ZNF66: variants seen among roughly 807,000 people sequenced by gnomAD.
The protein encoded by ZNF66 is zinc finger protein 66, also known as putative zinc finger protein 66.
Under a neutral mutation model 35.2 loss-of-function variants are expected in ZNF66, and 32 were observed. The observed-to-expected ratio is 0.91, with a 90% CI of 0.69 to 1.22. The LOEUF is 1.22. Ranked by LOEUF, ZNF66 falls within the 50% of genes most tolerant of loss-of-function variation. The pLI is 0.00. For synonymous variants in ZNF66, 231 were observed against 181.3 expected, an observed-to-expected ratio of 1.27 and a Z score of -2.20; for missense variants, 666 against 543.1, an observed-to-expected ratio of 1.23 and a Z score of -2.25.
chr19:20,784,107 C>T (rs1388383665), intron 1 of ZNF66, among the ~76,000 whole-genome samples: 1 of 152,178 alleles, frequency 6.6e-6, no homozygotes, highest in Non-Finnish European at 1.5e-5. Flanking sequence ...ATCTACCCAT[C>T]TCAGCCTCAA....
intron 3 of ZNF66, among the ~76,000 whole-genome samples, chr19:20,795,207 C>CCA (rs533026696): frequency 6.7e-4 from 101 of 151,822 alleles, no homozygotes; most frequent in African/African-American, 2.3e-3. Flanking sequence ...AATTCTTCTG[C>CCA]CACATACTTC....
chr19:20,782,150 G>C (rs1190317267), intron 1 of ZNF66, among the ~76,000 whole-genome samples: 6 of 152,088 alleles, frequency 3.9e-5, no homozygotes, highest in Non-Finnish European at 8.8e-5. Flanking sequence ...TTGCCATGTT[G>C]CCCAGGCTGT....
At position 20,806,637 on chromosome 19, in the gene ZNF66, G is replaced by A. The variant is rs1451255248; in HGVS notation, c.1037G>A (p.Cys346Tyr). Residue 346 changes from cysteine (C) to tyrosine (Y), a missense_variant, in exon 4 of 4, where the codon TGT becomes TAT. Cys to Tyr is a radical substitution (Grantham distance 194). Transcript: ENST00000344519. Reference sequence around the variant, plus strand: ...GAGAAACCCTACAAATGTGAAGAATGTGGCAAAGGCTTTAAGTACTCCTCT... The same window carrying A: ...GAGAAACCCTACAAATGTGAAGAATATGGCAAAGGCTTTAAGTACTCCTCT... ...TGEKPYKCEE[C>Y]GKGFKYSSTL... The A allele has an allele frequency of 1.3e-6, 2 of 1,572,938 alleles. No homozygotes were observed. The highest frequency in any genetic ancestry group is 1.7e-6 in the Non-Finnish European group (2 of 1,144,102).
intron 1 of ZNF66, among the ~76,000 whole-genome samples, chr19:20,782,413 T>G (rs1265361801): frequency 1.3e-5 from 2 of 152,218 alleles, no homozygotes; most frequent in Admixed American, 6.6e-5. Context: ...CTGGGTCAAA[T>G]GATAATTCTG....
chr19:20,787,487 A>C (rs1280667200), intron 1 of ZNF66, among the ~76,000 whole-genome samples: 1 of 152,218 alleles, frequency 6.6e-6, no homozygotes, highest in Non-Finnish European at 1.5e-5. Context: ...TGGGATTTAC[A>C]AAAAAGCCTG....
intron 3 of ZNF66, among the ~76,000 whole-genome samples, chr19:20,801,785 C>T (rs1045665848): frequency 1.0e-5 from 1 of 99,298 alleles, no homozygotes; most frequent in Non-Finnish European, 2.3e-5. Flanking sequence ...GCCCTCACAC[C>T]CAGCTAGCTT....
Position 20,806,026 on chromosome 19 carries a change from C to T in ZNF66, c.426C>T (p.Ser142=). The T allele has an allele frequency of 1.2e-6, 1 of 826,572 alleles. No individual in the cohort carries two copies. The allele number at this position is 826,572 out of a possible 1,614,324, so 51.2% of individuals were successfully genotyped here. Residue 142 remains serine, a synonymous_variant, in exon 4 of 4, where the codon AGC becomes AGT. Coordinates refer to ENST00000344519, the MANE Select transcript of ZNF66 (RefSeq NM_001355197.2). ...GLNQCLTTTQ[S]KMFQCDKHGK... The stretch of plus-strand genomic sequence containing the variant: ...ACCAATGTTTGACAACTACCCAAAG[C>T]AAAATGTTTCAATGTGATAAACATG...
chr19:20,805,742 T>C, intron 3 of ZNF66, 85 bp from the exon 4 acceptor site: 1 of 448,026 alleles, frequency 2.2e-6, no homozygotes, highest in Non-Finnish European at 4.0e-6. Flanking sequence ...TTTATGTAGT[T>C]TGTATAATTT....
chr19:20,781,650 A>G (rs1020129382), intron 1 of ZNF66, among the ~76,000 whole-genome samples: 56 of 152,022 alleles, frequency 3.7e-4, no homozygotes, highest in African/African-American at 1.3e-3. Context: ...CTGGGATTAC[A>G]GGTGCATTCC....
chr19:20,788,807 C>T (rs1971310487), intron 1 of ZNF66, among the ~76,000 whole-genome samples: 1 of 151,954 alleles, frequency 6.6e-6, no homozygotes, highest in Admixed American at 6.6e-5. Flanking sequence ...AATCTCAGCA[C>T]TTTGGGGGTC....
chr19:20,787,488 A>T (rs868686809), intron 1 of ZNF66, among the ~76,000 whole-genome samples: 1 of 152,202 alleles, frequency 6.6e-6, no homozygotes, highest in African/African-American at 2.4e-5. Flanking sequence ...GGGATTTACA[A>T]AAAAGCCTGG....
chr19:20,776,592 G>T, intron 1 of ZNF66, 142 bp downstream of exon 1: 2 of 1,210,884 alleles, frequency 1.7e-6, no homozygotes, highest in Non-Finnish European at 2.4e-6. Context: ...TAAGATGGCG[G>T]CTACGCTGAC....
Position 20,776,462 on chromosome 19 carries a change from G to T in ZNF66, c.3+12G>T, listed in dbSNP as rs1971195272. ...GAAGCCTAGAAATGGTGAGAGTGCC[G>T]GTCCAGCATCCCGAGAGAGGTGAAG... On this transcript the variant is annotated intron_variant, in intron 1 of 3. Transcript: ENST00000344519. 1 of 1,552,168 alleles carries T rather than the reference G, an allele frequency of 6.4e-7. No individual in the cohort carries two copies. The highest frequency in any genetic ancestry group is 1.7e-5 in the Admixed American group (1 of 59,632).
rs1297295319 is a variant in ZNF66, at chr19:20,806,819, A to G, written c.1219A>G (p.Lys407Glu). ...YKCEECGKVF[K>E]HSSPLSKHKR... ...ATGTGAAGAATGTGGCAAAGTGTTT[A>G]AGCACTCCTCTCCCCTTTCTAAACA... Residue 407 changes from lysine to glutamate, a missense_variant, in exon 4 of 4, where the codon AAG (lysine) becomes GAG (glutamate). By Grantham distance (56) the Lys-to-Glu change is moderately conservative. Transcript: ENST00000344519. The G allele has an allele frequency of 7.7e-7, 1 of 1,303,936 alleles. No individual in the cohort carries two copies. The highest frequency in any genetic ancestry group is 1.5e-5 in the African/African-American group (1 of 68,926). 80.8% of individuals were successfully genotyped at this position (1,303,936 alleles called of 1,614,324 possible).
At chr19:20,794,156 A>G (rs867918674) in intron 3 of ZNF66, 14 of 507,344 alleles carry the variant, frequency 2.8e-5, no homozygotes, top group South Asian at 1.4e-4. Flanking sequence ...TTCATGACAT[A>G]TAAGAGACAG....
At position 20,803,901 on chromosome 19, in the gene ZNF66, A is replaced by G. The variant is rs147052561; in HGVS notation, c.227-1926A>G. ...TTAAATTATTATTTTAACTTTAACA[A>G]TATCACAGTTTCCTTCTCACTTGCA... On this transcript the variant is annotated intron_variant, in intron 3 of 3. Coordinates refer to ENST00000344519, the MANE Select transcript of ZNF66 (RefSeq NM_001355197.2). Among the ~76,000 whole-genome samples, 453 of 152,232 alleles carry G rather than the reference A, an allele frequency of 3.0e-3. 3 individuals are homozygous for G. The highest frequency in any genetic ancestry group is 0.01 in the African/African-American group (425 of 41,574).
intron 1 of ZNF66, among the ~76,000 whole-genome samples, chr19:20,791,839 T>C (rs66629085): frequency 0.094 from 14,259 of 152,256 alleles, 788 homozygotes; most frequent in Non-Finnish European, 0.12. Context: ...GACTTTTTTT[T>C]ACTATATAGC....
At chr19:20,795,611 C>T (rs1971384775) in intron 3 of ZNF66, among the ~76,000 whole-genome samples, 1 of 152,118 alleles carries the variant, frequency 6.6e-6, no homozygotes, top group Admixed American at 6.5e-5. Flanking sequence ...AGGCGATCCG[C>T]CCGCCTCAGC....
chr19:20,805,015 G>A (rs1304959563), intron 3 of ZNF66, among the ~76,000 whole-genome samples: 3 of 152,100 alleles, frequency 2.0e-5, no homozygotes, highest in South Asian at 2.1e-4. Context: ...ATTTACCAGT[G>A]TCTAGAAAAG....
Sources: gnomAD v4.1 joint callset for allele counts (sites outside exome capture counted in the v4.1 genomes callset) on GRCh38, gnomAD v4.1.1 for gene constraint, MANE v1.5 for transcripts, NCBI Gene and HGNC (gene_info 2026-07-23, HGNC 2026-07-21) for gene names.